Variants in CAPRIN2 observed in about 807,000 individuals in gnomAD.
CAPRIN2 encodes the protein caprin family member 2.
Under a neutral mutation model 130.4 loss-of-function variants are expected in CAPRIN2, and 66 were observed. That is an observed-to-expected ratio of 0.51 (90% CI 0.42 to 0.62). The LOEUF is 0.62. Ranked by LOEUF, CAPRIN2 falls within the 20% of genes least tolerant of loss-of-function variation. CAPRIN2 has a pLI of 0.00. For missense variants in CAPRIN2, 1,185 were observed against 1,246.6 expected, an observed-to-expected ratio of 0.95 and a Z score of 0.74; for synonymous variants, 471 against 444.1, an observed-to-expected ratio of 1.06 and a Z score of -0.76.
At chr12:30,711,363 A>T (rs1415095785) in intron 16 of CAPRIN2, among the ~76,000 whole-genome samples, 6 of 152,186 alleles carry the variant, frequency 3.9e-5, no homozygotes. Flanking sequence ...CCACCCTTTT[A>T]ATTCAATTTG....
At chr12:30,726,179 G>GA in intron 8 of CAPRIN2, 91 bp from the exon 10 acceptor site, 1 of 1,089,068 alleles carries the variant, frequency 9.2e-7, no homozygotes, top group Non-Finnish European at 1.2e-6. Flanking sequence ...TAAAGGAAAA[G>GA]AAAAAACAGC....
At chr12:30,753,360 T>C in exon 1 of CAPRIN2, 1 of 1,605,062 alleles carries the variant, frequency 6.2e-7, no homozygotes, top group Non-Finnish European at 8.5e-7. Context: ...TTTCTCGATG[T>C]TTCTAATTTT....
chr12:30,747,084 C>T (rs2070900725), intron 2 of CAPRIN2, among the ~76,000 whole-genome samples: 1 of 152,110 alleles, frequency 6.6e-6, no homozygotes, highest in Non-Finnish European at 1.5e-5. Flanking sequence ...TCTGAAAATC[C>T]TAGGACCCTT....
At position 30,710,336 on chromosome 12, in the gene CAPRIN2, T is replaced by C. The variant is rs140741615; in HGVS notation, c.2800A>G (p.Ile934Val). ...AGAGGGTAGACGTGTACTGGCAGTA[T>C]GGTGGCTGCTGGATTTGTCACTGGC... Residue 934 changes from isoleucine (I) to valine (V), a missense_variant, in exon 17 of 17, where the codon ATA becomes GTA. By Grantham distance (29) the Ile-to-Val change is conservative. Transcript: ENST00000298892. This position sits in a 1 kb window ranked among gnomAD's most constrained non-coding sequence, Gnocchi z 4.8. The C allele has an allele frequency of 8.7e-6, 14 of 1,614,170 alleles. No homozygotes were observed. Among genetic ancestry groups the C allele is most frequent in the Admixed American group, 8.3e-5 (5 of 60,018 alleles).
intron 1 of CAPRIN2, among the ~76,000 whole-genome samples, chr12:30,752,246 C>A (rs1285309692): frequency 3.3e-5 from 5 of 152,088 alleles, no homozygotes; most frequent in African/African-American, 1.2e-4. Context: ...TAAAAGCATT[C>A]TTTAGGTTCC....
exon 4 of CAPRIN2, chr12:30,734,970 C>T: frequency 6.2e-7 from 1 of 1,607,628 alleles, no homozygotes; most frequent in Non-Finnish European, 8.5e-7. Context: ...TAGCTTACCT[C>T]AGACTTTCAT....
chr12:30,719,376 A>C (rs2058666970), intron 12 of CAPRIN2, 151 bp from the exon 14 acceptor site: 1 of 834,780 alleles, frequency 1.2e-6, no homozygotes, highest in Non-Finnish European at 1.9e-6. Flanking sequence ...TTACAATTTC[A>C]AATCTCAATT....
At position 30,710,563 on chromosome 12, in the gene CAPRIN2, T is replaced by C; in HGVS notation, c.2666-93A>G. On this transcript the variant is annotated intron_variant, in intron 16 of 16. Transcript: ENST00000298892. This position sits in a 1 kb window ranked among gnomAD's most constrained non-coding sequence, Gnocchi z 4.8. ...AGTCGGCTACTGAAACAGACAAAGA[T>C]ACATTTTATAGTAAATTCCAAAACA... The C allele has an allele frequency of 6.4e-7, 1 of 1,558,302 alleles. No homozygotes were observed. Among genetic ancestry groups the C allele is most frequent in the Non-Finnish European group, 8.6e-7 (1 of 1,157,066 alleles).
chr12:30,731,956 CA>C (rs566653835), intron 5 of CAPRIN2, among the ~76,000 whole-genome samples: 10 of 151,970 alleles, frequency 6.6e-5, no homozygotes, highest in Admixed American at 2.0e-4. Context: ...CTACCTTCCC[CA>C]AGTAATTAAG....
chr12:30,753,876 G>A, exon 1 of CAPRIN2: 1 of 985,724 alleles, frequency 1.0e-6, no homozygotes, highest in Non-Finnish European at 1.5e-6. Context: ...TAGGGAGGAA[G>A]AACTGCAACG....
intron 10 of CAPRIN2, 39 bp downstream of exon 11, chr12:30,724,331 T>C (rs758764273): frequency 1.6e-6 from 2 of 1,218,856 alleles, no homozygotes. Flanking sequence ...AGCTGTTAGC[T>C]CAAGACGTTT....
At chr12:30,724,594 C>T (rs769216326) in intron 9 of CAPRIN2, 143 bp from the exon 11 acceptor site, 1 of 591,034 alleles carries the variant, frequency 1.7e-6, no homozygotes, top group Non-Finnish European at 3.0e-6. Flanking sequence ...TAGCTAATCA[C>T]TGTCTCAGGA....
Position 30,710,046 on chromosome 12 carries a change from AG to A in CAPRIN2, c.3089del (p.Ala1030ValfsTer62). The A allele has an allele frequency of 6.2e-7, 1 of 1,614,164 alleles. No homozygotes were observed. The highest frequency in any genetic ancestry group is 8.5e-7 in the Non-Finnish European group (1 of 1,180,024). The stretch of plus-strand genomic sequence containing the variant: ...GATTGCTAGCAGTTTCATGGTCTGG[AG>A]CACCATCATTGGCATAGGCTGATAC... On this transcript the variant is annotated frameshift_variant, in exon 17 of 17. Transcript: ENST00000298892. LOFTEE classifies it high-confidence loss of function. The surrounding 1 kb of genome is among the most constrained non-coding windows in gnomAD (Gnocchi z 4.8).
intron 11 of CAPRIN2, among the ~76,000 whole-genome samples, chr12:30,722,591 T>C (rs1028086466): frequency 1.6e-4 from 24 of 152,176 alleles, no homozygotes; most frequent in Admixed American, 3.9e-4. Context: ...CAATATACCC[T>C]GCTCAACAAA....
intron 2 of CAPRIN2, among the ~76,000 whole-genome samples, chr12:30,744,858 A>G (rs763722660): frequency 1.3e-5 from 2 of 152,222 alleles, no homozygotes; most frequent in Non-Finnish European, 2.9e-5. Flanking sequence ...TGAATGAATA[A>G]AAGATAGTTC....
chr12:30,729,718 T>C (rs975700613), intron 7 of CAPRIN2, among the ~76,000 whole-genome samples: 1 of 152,262 alleles, frequency 6.6e-6, no homozygotes, highest in East Asian at 1.9e-4. Context: ...AGTTAAATTA[T>C]GTAACCTTAA....
At chr12:30,739,633 T>G (rs2138918097) in intron 3 of CAPRIN2, among the ~76,000 whole-genome samples, 1 of 150,832 alleles carries the variant, frequency 6.6e-6, no homozygotes, top group Non-Finnish European at 1.5e-5. Context: ...AAGAATCGCG[T>G]GAACCCGGGA....
intron 12 of CAPRIN2, 141 bp downstream of exon 13, chr12:30,720,670 G>A (rs2059138569): frequency 3.5e-6 from 2 of 567,828 alleles, no homozygotes; most frequent in Non-Finnish European, 6.3e-6. Flanking sequence ...AAAGTTCCAA[G>A]ATCACAATAT....
chr12:30,725,264 T>C (rs953343455), intron 9 of CAPRIN2, among the ~76,000 whole-genome samples: 2 of 152,212 alleles, frequency 1.3e-5, no homozygotes, highest in African/African-American at 4.8e-5. Context: ...ATACTTAAGC[T>C]ACACATTTGC....
Sources: allele counts gnomAD v4.1 joint callset (sites outside exome capture counted in the v4.1 genomes callset), GRCh38; gene constraint gnomAD v4.1.1; non-coding constraint Gnocchi (gnomAD v3.1); transcripts MANE v1.5; gene names NCBI Gene and HGNC (gene_info 2026-07-23, HGNC 2026-07-21).